Variants in BCAM observed in about 807,000 individuals in gnomAD.
The protein encoded by BCAM is basal cell adhesion molecule (Lutheran blood group).
A neutral mutation model predicts 72.4 loss-of-function variants in BCAM; 61 were observed. The ratio of observed to expected loss-of-function variants is 0.84; its 90% confidence interval spans 0.69 to 1.04. The LOEUF is 1.04. BCAM is among the 50% of genes least tolerant of loss of function. The probability of loss-of-function intolerance (pLI) is 0.00; values close to 1 mark genes in which losing one functional copy is unlikely to be tolerated. For synonymous variants in BCAM, 408 were observed against 384.2 expected (o/e 1.06, Z -0.73); for missense variants, 909 against 895.0 (o/e 1.02, Z -0.20).
At position 44,813,469 on chromosome 19, in the gene BCAM, G is replaced by C. The variant is rs977045169; in HGVS notation, c.633G>C (p.Glu211Asp). The C allele has an allele frequency of 6.2e-7, 1 of 1,611,882 alleles. No homozygotes were observed. The highest frequency in any genetic ancestry group is 8.5e-7 in the Non-Finnish European group (1 of 1,179,836). ...EGYMTSRTVR[E>D]ASGLLSLTST... ...ACATGACCAGCCGCACGGTCCGGGA[G>C]GCCTCGGGCCTGCTCTCCCTCACCA... Residue 211 changes from glutamate (E) to aspartate (D), a missense_variant, in exon 6 of 15, where the codon GAG becomes GAC. Coordinates refer to ENST00000270233, the MANE Select transcript of BCAM (RefSeq NM_005581.5). This position sits in a 1 kb window ranked among gnomAD's most constrained non-coding sequence, Gnocchi z 4.2.
At chr19:44,809,881 G>A (rs1488342102) in intron 1 of BCAM, among the ~76,000 whole-genome samples, 5 of 149,730 alleles carry the variant, frequency 3.3e-5, no homozygotes, top group Non-Finnish European at 5.9e-5. Flanking sequence ...GGGTGGGGGT[G>A]GGGGTGCTGG....
chr19:44,810,481 C>T (rs1350139161), intron 1 of BCAM, among the ~76,000 whole-genome samples: 3 of 152,074 alleles, frequency 2.0e-5, no homozygotes, highest in Non-Finnish European at 4.4e-5. Flanking sequence ...AGCTCCGGGC[C>T]CAGCCGCAGC....
intron 8 of BCAM, among the ~76,000 whole-genome samples, chr19:44,817,564 A>ATTT: frequency 6.9e-6 from 1 of 144,406 alleles, no homozygotes; most frequent in Non-Finnish European, 1.5e-5. Context: ...TTTTTTTTTG[A>ATTT]GTCAGAGTCT....
intron 8 of BCAM, among the ~76,000 whole-genome samples, chr19:44,816,894 G>A (rs1276680710): frequency 6.0e-5 from 9 of 150,752 alleles, no homozygotes; most frequent in African/African-American, 1.5e-4. Flanking sequence ...AGCTGAGATC[G>A]TGCCACTGAA....
Position 44,818,670 on chromosome 19 carries a change from A to C in BCAM, c.1194+33A>C, listed in dbSNP as rs1474377816. The C allele has an allele frequency of 6.2e-7, 1 of 1,611,468 alleles. No individual in the cohort carries two copies. The highest frequency in any genetic ancestry group is 1.1e-5 in the South Asian group (1 of 90,962). On this transcript the variant is annotated intron_variant, in intron 9 of 14. Coordinates refer to ENST00000270233, the MANE Select transcript of BCAM (RefSeq NM_005581.5). This position sits in a 1 kb window ranked among gnomAD's most constrained non-coding sequence, Gnocchi z 4.6. ...GGAGAGGAGCCCCCTCGGGCCCTGC[A>C]CTCGCACCCTCCTCTCTCCCCTCAC...
chr19:44,814,397 G>C lies in BCAM; in HGVS notation c.921+109G>C. 1 of 1,478,600 alleles carries C rather than the reference G, an allele frequency of 6.8e-7. No individual in the cohort carries two copies. The highest frequency in any genetic ancestry group is 1.4e-5 in the South Asian group (1 of 73,648). 91.6% of individuals were successfully genotyped at this position (1,478,600 alleles called of 1,614,324 possible). Reference sequence around the variant, plus strand: ...GGACCTGGGAGTCCCCATGGCTTAGGCAGCCACCTGATCTGGTGGCCCACG... The same window carrying C: ...GGACCTGGGAGTCCCCATGGCTTAGCCAGCCACCTGATCTGGTGGCCCACG... On this transcript the variant is annotated intron_variant, in intron 7 of 14. Transcript: ENST00000270233. The surrounding 1 kb of genome is among the most constrained non-coding windows in gnomAD (Gnocchi z 4.6).
In BCAM at chr19:44,821,107, A is replaced by G. The variant is rs1403270379; in HGVS notation, c.*186A>G. ...GGCTGCCTGCCTCCGGGAGGGAAGGAGAGGGAGGGTGGGTGGGTGGGAGGG... is the reference window on the plus strand; with the variant it reads ...GGCTGCCTGCCTCCGGGAGGGAAGGGGAGGGAGGGTGGGTGGGTGGGAGGG... On this transcript the variant is annotated 3_prime_UTR_variant, in exon 15 of 15. Coordinates refer to ENST00000270233, the MANE Select transcript of BCAM (RefSeq NM_005581.5). 7 of 374,882 alleles carry G rather than the reference A, an allele frequency of 1.9e-5. No individual in the cohort carries two copies. Among genetic ancestry groups the G allele is most frequent in the African/African-American group, 1.4e-4 (6 of 41,858 alleles). The allele number at this position is 374,882 out of a possible 1,614,324, so 23.2% of individuals were successfully genotyped here.
Position 44,819,388 on chromosome 19 carries a change from T to C in BCAM, c.1516T>C (p.Ser506Pro). ...CGGACGGCAGGGTTGGGTGAGCAGCTCTCTGACCCTGAAAGTGACCAGCGC... is the reference window on the plus strand; with the variant it reads ...CGGACGGCAGGGTTGGGTGAGCAGCCCTCTGACCCTGAAAGTGACCAGCGC... ...IPGRQGWVSS[S>P]LTLKVTSALS... The change falls in exon 12 of 15, where the codon TCT becomes CCT. Residue 506 changes from serine to proline, a missense_variant. By Grantham distance (74) the Ser-to-Pro change is moderately conservative. Transcript: ENST00000270233. 1 of 1,613,976 alleles carries C rather than the reference T, an allele frequency of 6.2e-7. No homozygotes were observed. Among genetic ancestry groups the C allele is most frequent in the Non-Finnish European group, 8.5e-7 (1 of 1,179,932 alleles).
intron 2 of BCAM, chr19:44,811,785 T>A: frequency 2.9e-6 from 1 of 343,044 alleles, no homozygotes; most frequent in East Asian, 7.5e-5. Flanking sequence ...CTCAGGAGGC[T>A]GAGGCAGGAG....
intron 13 of BCAM, 161 bp from the exon 14 acceptor site, chr19:44,820,544 C>T (rs28399663): frequency 0.032 from 41,218 of 1,277,660 alleles, 769 homozygotes; most frequent in Middle Eastern, 0.042. Flanking sequence ...AGTGCCATTA[C>T]CAGCCCCTAC....
At chr19:44,819,003 TTC>T (rs148272950) in intron 10 of BCAM, 51 bp from the exon 11 acceptor site, 500 of 1,580,092 alleles carry the variant, frequency 3.2e-4, no homozygotes, top group African/African-American at 1.7e-3. Context: ...GATGCCTCTC[TTC>T]TCTCTCTCTC....
intron 8 of BCAM, among the ~76,000 whole-genome samples, chr19:44,816,765 C>T (rs2122562046): frequency 6.6e-6 from 1 of 151,786 alleles, no homozygotes; most frequent in East Asian, 1.9e-4. Context: ...ATGGTGAAAC[C>T]CCATCTCTAC....
rs1204914816 is a variant in BCAM, at chr19:44,819,145, C to T, written c.1426C>T (p.Arg476Cys). The part of the protein sequence containing the change: ...GDEVTLICSA[R>C]GHPDPKLSWS... The stretch of plus-strand genomic sequence containing the variant: ...CGAAGTCACACTCATCTGCTCTGCC[C>T]GCGGCCATCCAGACCCCAAACTCAG... Residue 476 changes from arginine (R) to cysteine (C), a missense_variant, in exon 11 of 15, where the codon CGC becomes TGC. Coordinates refer to ENST00000270233, the MANE Select transcript of BCAM (RefSeq NM_005581.5). 1.3e-5 allele frequency: 21 copies of T among 1,614,088 alleles called. No homozygotes were observed. Among genetic ancestry groups the T allele is most frequent in the Non-Finnish European group, 1.7e-5 (20 of 1,179,994 alleles).
chr19:44,812,351 G>C lies in BCAM; in HGVS notation c.393G>C (p.Ala131=). ...ACGTGTGCGTGGTGAGGGCAGGGGC[G>C]GCAGGCACTGCTGAGGCCACTGCGC... ...RDYVCVVRAG[A]AGTAEATARL... is the part of the protein sequence containing the mutation. Residue 131 remains alanine, a synonymous_variant, in exon 3 of 15, where the codon GCG becomes GCC. Transcript: ENST00000270233. This position sits in a 1 kb window ranked among gnomAD's most constrained non-coding sequence, Gnocchi z 5.3. 1 of 1,613,590 alleles carries C rather than the reference G, an allele frequency of 6.2e-7. No homozygotes were observed. Among genetic ancestry groups the C allele is most frequent in the Non-Finnish European group, 8.5e-7 (1 of 1,179,714 alleles).
At position 44,813,057 on chromosome 19, in the gene BCAM, C is replaced by G. The variant is rs1447449040; in HGVS notation, c.505-193C>G. 6.5e-6 allele frequency: 4 copies of G among 613,942 alleles called. No homozygotes were observed. Among genetic ancestry groups the G allele is most frequent in the Admixed American group, 3.1e-5 (1 of 32,072 alleles). The allele number at this position is 613,942 out of a possible 1,614,324, so 38.0% of individuals were successfully genotyped here. On this transcript the variant is annotated intron_variant, in intron 4 of 14. Coordinates refer to ENST00000270233, the MANE Select transcript of BCAM (RefSeq NM_005581.5). This position sits in a 1 kb window ranked among gnomAD's most constrained non-coding sequence, Gnocchi z 4.2. ...AGCTGGGGGACCCAGAATCCTTGGT[C>G]CCTGGAGGATGGTGCTGGAGGCCTG...
chr19:44,819,554 C>T (rs1216037424), intron 12 of BCAM, 28 bp from the exon 13 acceptor site: 1 of 1,612,194 alleles, frequency 6.2e-7, no homozygotes, highest in Non-Finnish European at 8.5e-7. Context: ...CTGCCTGACC[C>T]ACGCCTCTCT....
At position 44,813,666 on chromosome 19, in the gene BCAM, T is replaced by C; in HGVS notation, c.784+46T>C. 6.3e-7 allele frequency: 1 copy of C among 1,585,220 alleles called. No individual in the cohort carries two copies. On this transcript the variant is annotated intron_variant, in intron 6 of 14. Transcript: ENST00000270233. The surrounding 1 kb of genome is among the most constrained non-coding windows in gnomAD (Gnocchi z 4.2). ...GACCTCTGACCTCAGGCTCCACACC[T>C]CATGAGGCCTGACCCTCCACCCGGG...
Position 44,819,622 on chromosome 19 carries a change from C to A in BCAM, c.1659C>A (p.Ala553=), listed in dbSNP as rs751271346. The change falls in exon 13 of 15, where the codon GCC becomes GCA. Residue 553 remains alanine (A), a synonymous_variant. Transcript: ENST00000270233. ...QTSQAGVAVM[A]VAVSVGLLLL... The stretch of plus-strand genomic sequence containing the variant: ...CCCAGGCTGGAGTGGCCGTCATGGC[C>A]GTGGCCGTCAGCGTGGGCCTCCTGC... 2 of 1,613,512 alleles carry A rather than the reference C, an allele frequency of 1.2e-6. No homozygotes were observed. The highest frequency in any genetic ancestry group is 1.7e-5 in the Admixed American group (1 of 59,984).
Position 44,813,696 on chromosome 19 carries a change from TCACACTC to T in BCAM, c.784+78_784+84del, listed in dbSNP as rs1168179342. ...AGGCCTGACCCTCCACCCGGGGGCT[TCACACTC>T]CCCTCTGACCCTCTGCCTCCCTACT... On this transcript the variant is annotated intron_variant, in intron 6 of 14. Transcript: ENST00000270233. The surrounding 1 kb of genome is among the most constrained non-coding windows in gnomAD (Gnocchi z 4.2). The T allele has an allele frequency of 6.5e-7, 1 of 1,534,190 alleles. No individual in the cohort carries two copies. The highest frequency in any genetic ancestry group is 8.8e-7 in the Non-Finnish European group (1 of 1,135,332).
Sources: allele counts gnomAD v4.1 joint callset (sites outside exome capture counted in the v4.1 genomes callset), GRCh38; gene constraint gnomAD v4.1.1; non-coding constraint Gnocchi (gnomAD v3.1); transcripts MANE v1.5; gene names NCBI Gene and HGNC (gene_info 2026-07-23, HGNC 2026-07-21).